ATP2B4: variants seen among roughly 807,000 people sequenced by gnomAD.
ATP2B4 encodes plasma membrane calcium-transporting ATPase 4.
Under a neutral mutation model 110.3 loss-of-function variants are expected in ATP2B4, and 39 were observed. That is an observed-to-expected ratio of 0.35 (90% CI 0.27 to 0.46). The LOEUF (loss-of-function observed/expected upper bound fraction) is 0.46, where lower values mean the gene tolerates loss of function less well. Ranked by LOEUF, ATP2B4 falls within the 20% of genes least tolerant of loss-of-function variation. The probability of loss-of-function intolerance (pLI) is 1.00; values close to 1 mark genes in which losing one functional copy is unlikely to be tolerated. For missense variants in ATP2B4, 1,135 were observed against 1,530.9 expected, an observed-to-expected ratio of 0.74 and a Z score of 4.32; for synonymous variants, 538 against 571.7, an observed-to-expected ratio of 0.94 and a Z score of 0.84.
intron 17 of ATP2B4, 46 bp downstream of exon 17, chr1:203,721,456 G>A: frequency 6.3e-7 from 1 of 1,580,928 alleles, no homozygotes; most frequent in Non-Finnish European, 8.7e-7. Flanking sequence ...CTGGTTGGAG[G>A]TGGGGGCAGA....
chr1:203,705,475 T>G (rs1194225076), intron 8 of ATP2B4, among the ~76,000 whole-genome samples: 1 of 152,238 alleles, frequency 6.6e-6, no homozygotes, highest in Non-Finnish European at 1.5e-5. Flanking sequence ...CTTGGCTCAC[T>G]GCAACCTCCA....
chr1:203,634,964 C>T (rs1663395052), intron 1 of ATP2B4, among the ~76,000 whole-genome samples: 1 of 151,804 alleles, frequency 6.6e-6, no homozygotes, highest in Non-Finnish European at 1.5e-5. Flanking sequence ...GCACCCGGCC[C>T]CATTTATTTA....
At chr1:203,670,627 C>A (rs774838124) in intron 1 of ATP2B4, among the ~76,000 whole-genome samples, 6 of 152,208 alleles carry the variant, frequency 3.9e-5, no homozygotes, top group Non-Finnish European at 8.8e-5. Context: ...CTTCTCCCTT[C>A]CCACCCTATA....
intron 1 of ATP2B4, among the ~76,000 whole-genome samples, chr1:203,669,277 T>C (rs913503219): frequency 6.6e-6 from 1 of 152,168 alleles, no homozygotes; most frequent in African/African-American, 2.4e-5. Context: ...GTCCTGCAGA[T>C]CAAGGGAGAT....
In ATP2B4 at chr1:203,705,187, C is replaced by T. The variant is rs151237526; in HGVS notation, c.1099+1374C>T. On this transcript the variant is annotated intron_variant, in intron 8 of 20. Coordinates refer to ENST00000357681, the MANE Select transcript of ATP2B4 (RefSeq NM_001684.5). ...CAGCATAAATAGAGAACTTCTTAAG[C>T]GTCACAGAAAGATCTATTGGACTGA... is the stretch of plus-strand genomic sequence containing the variant. Among the ~76,000 whole-genome samples, 629 of 152,324 alleles carry T rather than the reference C, an allele frequency of 4.1e-3. 3 individuals carry two copies. Among genetic ancestry groups the T allele is most frequent in the African/African-American group, 0.014 (583 of 41,568 alleles).
intron 17 of ATP2B4, among the ~76,000 whole-genome samples, chr1:203,721,966 C>CT (rs1455728346): frequency 2.0e-5 from 3 of 151,940 alleles, no homozygotes; most frequent in African/African-American, 7.3e-5. Context: ...TGGCTTATTT[C>CT]TTTTTTTACA....
intron 1 of ATP2B4, among the ~76,000 whole-genome samples, chr1:203,643,903 A>G (rs141933275): frequency 1.3e-5 from 2 of 152,288 alleles, no homozygotes; most frequent in East Asian, 3.9e-4. Context: ...AGTCATTCCT[A>G]TATACTCGGT....
At chr1:203,687,204 G>A (rs199581932) in intron 2 of ATP2B4, among the ~76,000 whole-genome samples, 8 of 149,920 alleles carry the variant, frequency 5.3e-5, no homozygotes, top group Middle Eastern at 6.8e-3. Flanking sequence ...CAACAGTGAC[G>A]TCCTAGTGTG....
intron 1 of ATP2B4, among the ~76,000 whole-genome samples, chr1:203,650,485 A>G (rs1305962610): frequency 2.0e-5 from 3 of 152,156 alleles, no homozygotes; most frequent in Non-Finnish European, 4.4e-5. Context: ...GGCCCGCCTT[A>G]TTTGGGGCTT....
chr1:203,679,485 G>T (rs1400158150), intron 1 of ATP2B4, among the ~76,000 whole-genome samples: 2 of 152,146 alleles, frequency 1.3e-5, no homozygotes, highest in Non-Finnish European at 2.9e-5. Flanking sequence ...TTCCACATGT[G>T]TTCTTCAGCC....
At chr1:203,628,943 G>C (rs571735536) in intron 1 of ATP2B4, among the ~76,000 whole-genome samples, 1 of 152,182 alleles carries the variant, frequency 6.6e-6, no homozygotes, top group South Asian at 2.1e-4. Flanking sequence ...TGTTCTGGAA[G>C]GTGGGCCCTA....
At chr1:203,651,548 C>G (rs1362471762) in intron 1 of ATP2B4, among the ~76,000 whole-genome samples, 1 of 152,176 alleles carries the variant, frequency 6.6e-6, no homozygotes, top group Non-Finnish European at 1.5e-5. Flanking sequence ...CTCTTGATAA[C>G]CATATGTATG....
intron 1 of ATP2B4, among the ~76,000 whole-genome samples, chr1:203,660,680 T>C (rs1341037358): frequency 6.6e-6 from 1 of 151,948 alleles, no homozygotes. Flanking sequence ...GCACCTGTAA[T>C]CCCAGCTACT....
chr1:203,651,953 C>T (rs1005100086), intron 1 of ATP2B4, among the ~76,000 whole-genome samples: 1 of 150,246 alleles, frequency 6.7e-6, no homozygotes, highest in African/African-American at 2.5e-5. Context: ...CCTAGCTACT[C>T]AGGAGGCTGA....
chr1:203,725,273 A>T lies in ATP2B4; in HGVS notation c.3132+1285A>T, dbSNP rs940995748. 2.6e-4 allele frequency among the ~76,000 whole-genome samples: 40 copies of T among 151,584 alleles called. 1 individual carries two copies. The highest frequency in any genetic ancestry group is 1.0e-3 in the South Asian group (5 of 4,804). Reference sequence around the variant, plus strand: ...AGCAATTCTCCTGCCTCAGCCTCCCAAGTAGCTGGGATTACAGGCACCCAC... The same window carrying T: ...AGCAATTCTCCTGCCTCAGCCTCCCTAGTAGCTGGGATTACAGGCACCCAC... On this transcript the variant is annotated intron_variant, in intron 19 of 20. Coordinates refer to ENST00000357681, the MANE Select transcript of ATP2B4 (RefSeq NM_001684.5).
intron 1 of ATP2B4, among the ~76,000 whole-genome samples, chr1:203,638,209 A>AG (rs1663517302): frequency 6.6e-6 from 1 of 152,178 alleles, no homozygotes; most frequent in Non-Finnish European, 1.5e-5. Flanking sequence ...ATACTCTGGC[A>AG]GGTGAGGGAG....
rs199621401 is a variant in ATP2B4, at chr1:203,699,616, G to T, written c.548G>T (p.Arg183Leu). 3.4e-5 allele frequency: 55 copies of T among 1,613,992 alleles called. No individual in the cohort carries two copies. The highest frequency in any genetic ancestry group is 4.6e-5 in the Non-Finnish European group (54 of 1,180,018). ...KEKQFRGLQC[R>L]IEQEQKFSII... ...AAGCAATTCCGGGGGCTGCAGTGCC[G>T]CATTGAACAGGAGCAAAAGTTCTCC... is the stretch of plus-strand genomic sequence containing the variant. The change falls in exon 4 of 21, where the codon CGC becomes CTC. Residue 183 changes from arginine (R) to leucine (L), a missense_variant. Arg to Leu is a moderately radical substitution (Grantham distance 102, BLOSUM62 -2). Around this residue, in one of 9 missense-constraint regions of ATP2B4, gnomAD observed 101 missense variants for 182.6 expected, o/e 0.55. Coordinates refer to ENST00000357681, the MANE Select transcript of ATP2B4 (RefSeq NM_001684.5).
chr1:203,668,541 G>C (rs1162971700), intron 1 of ATP2B4, among the ~76,000 whole-genome samples: 1 of 152,084 alleles, frequency 6.6e-6, no homozygotes, highest in Non-Finnish European at 1.5e-5. Flanking sequence ...CTCCAATGTA[G>C]TTAGTTCCCA....
intron 19 of ATP2B4, among the ~76,000 whole-genome samples, chr1:203,724,470 T>C (rs1172654270): frequency 1.3e-5 from 2 of 151,654 alleles, no homozygotes; most frequent in African/African-American, 4.8e-5. Flanking sequence ...TGAGCCGAGA[T>C]TGCGCCACTG....
Sources: allele counts gnomAD v4.1 joint callset (sites outside exome capture counted in the v4.1 genomes callset), GRCh38; gene constraint gnomAD v4.1.1; regional missense constraint gnomAD v4.1.1; transcripts MANE v1.5; gene names NCBI Gene and HGNC (gene_info 2026-07-23, HGNC 2026-07-21).